The following SLC39A11 variants were observed in gnomAD, a reference collection of about 807,000 sequenced individuals.
SLC39A11 encodes solute carrier family 39 member 11.
In SLC39A11, 33 loss-of-function variants were observed where a neutral mutation model predicts 36.1. The observed-to-expected ratio is 0.91, with a 90% CI of 0.69 to 1.22. The LOEUF is 1.22. SLC39A11 is among the 50% of genes most tolerant of loss of function. The pLI, the probability that SLC39A11 is intolerant of heterozygous loss-of-function variation, is 0.00. For missense variants in SLC39A11, 432 were observed against 430.3 expected, an observed-to-expected ratio of 1.00 and a Z score of -0.03; for synonymous variants, 166 against 170.3, an observed-to-expected ratio of 0.97 and a Z score of 0.20.
intron 4 of SLC39A11, among the ~76,000 whole-genome samples, chr17:72,986,407 G>T (rs113310165): frequency 3.9e-5 from 6 of 152,208 alleles, no homozygotes; most frequent in South Asian, 2.1e-4. Context: ...AAATACAGAC[G>T]TCTAAGCTCC....
intron 4 of SLC39A11, among the ~76,000 whole-genome samples, chr17:72,960,656 T>TAAA (rs60009285): frequency 0.043 from 6,453 of 151,822 alleles, 480 homozygotes; most frequent in African/African-American, 0.14. Context: ...TAAATTAAAT[T>TAAA]TAATTAAATT....
chr17:72,877,090 T>A (rs974288600), intron 5 of SLC39A11, among the ~76,000 whole-genome samples: 2 of 152,198 alleles, frequency 1.3e-5, no homozygotes, highest in Non-Finnish European at 2.9e-5. Flanking sequence ...TTAAGCATCA[T>A]CTTATCAAAA....
In SLC39A11 at chr17:72,692,815, A is replaced by C. The variant is rs1337251513; in HGVS notation, c.672-43547T>G. Among the ~76,000 whole-genome samples, 5 of 152,292 alleles carry C rather than the reference A, an allele frequency of 3.3e-5. No homozygotes were observed. The East Asian group carries it at 7.7e-4, about 24-fold the overall frequency. On this transcript the variant is annotated intron_variant, in intron 7 of 9. Coordinates refer to ENST00000255559, the MANE Select transcript of SLC39A11 (RefSeq NM_139177.4). The stretch of plus-strand genomic sequence containing the variant: ...ACACACAGGACAACTTGGGACTGGA[A>C]AAAAGAAGGAGGGGCAGAGAGCATG...
intron 5 of SLC39A11, among the ~76,000 whole-genome samples, chr17:72,870,742 T>C (rs2146366594): frequency 6.6e-6 from 1 of 152,382 alleles, no homozygotes; most frequent in East Asian, 1.9e-4. Flanking sequence ...TACTTATCTT[T>C]TAACTGGAAA....
intron 5 of SLC39A11, among the ~76,000 whole-genome samples, chr17:72,931,226 G>A (rs145323398): frequency 1.6e-4 from 24 of 152,232 alleles, no homozygotes; most frequent in African/African-American, 5.8e-4. Context: ...GAAATGGAGA[G>A]AGCAAGAAAA....
At chr17:72,946,941 C>T (rs562295383) in intron 5 of SLC39A11, among the ~76,000 whole-genome samples, 7 of 152,218 alleles carry the variant, frequency 4.6e-5, no homozygotes, top group Admixed American at 2.0e-4. Flanking sequence ...TCTTGAGGGA[C>T]GCATTCCCTC....
At chr17:72,795,742 C>T (rs557368882) in intron 6 of SLC39A11, among the ~76,000 whole-genome samples, 10 of 152,246 alleles carry the variant, frequency 6.6e-5, no homozygotes, top group Non-Finnish European at 1.2e-4. Context: ...CACCATGCCT[C>T]GGCTTCTTAC....
chr17:72,682,340 G>A (rs575371858), intron 7 of SLC39A11, among the ~76,000 whole-genome samples: 36 of 126,322 alleles, frequency 2.8e-4, no homozygotes, highest in Admixed American at 9.7e-4. Context: ...CCATGAAACC[G>A]GTCCCTGGTA....
At chr17:72,782,315 C>G (rs2144892852) in intron 6 of SLC39A11, among the ~76,000 whole-genome samples, 1 of 152,262 alleles carries the variant, frequency 6.6e-6, no homozygotes, top group East Asian at 1.9e-4. Context: ...CAGAAGGAAC[C>G]AACCCTGCAG....
At chr17:72,682,548 T>C (rs1169681611) in intron 7 of SLC39A11, among the ~76,000 whole-genome samples, 2 of 152,194 alleles carry the variant, frequency 1.3e-5, no homozygotes, top group African/African-American at 4.8e-5. Flanking sequence ...AGCCCCACAT[T>C]ATCCAAGGGT....
chr17:72,875,246 T>G (rs2080839348), intron 5 of SLC39A11, among the ~76,000 whole-genome samples: 1 of 152,214 alleles, frequency 6.6e-6, no homozygotes, highest in Admixed American at 6.5e-5. Context: ...TCCAATTAAT[T>G]CATCATTATT....
At chr17:72,693,170 G>T (rs548096402) in intron 7 of SLC39A11, among the ~76,000 whole-genome samples, 2 of 152,196 alleles carry the variant, frequency 1.3e-5, no homozygotes, top group Non-Finnish European at 2.9e-5. Flanking sequence ...AGGTCAAAAG[G>T]CTGAGCCCTC....
intron 5 of SLC39A11, among the ~76,000 whole-genome samples, chr17:72,944,403 G>GA (rs1268495742): frequency 3.9e-5 from 6 of 152,038 alleles, no homozygotes; most frequent in South Asian, 2.1e-4. Context: ...ATGAAGAAAA[G>GA]AAAAAAAACT....
chr17:72,843,554 TAC>T (rs1707529965), intron 6 of SLC39A11, among the ~76,000 whole-genome samples: 1 of 152,046 alleles, frequency 6.6e-6, no homozygotes, highest in African/African-American at 2.4e-5. Context: ...CATGTGAGGA[TAC>T]AACGAGAAGA....
At chr17:72,924,746 G>A (rs1381742259) in intron 5 of SLC39A11, among the ~76,000 whole-genome samples, 1 of 152,164 alleles carries the variant, frequency 6.6e-6, no homozygotes, top group East Asian at 1.9e-4. Context: ...GCTCACACCT[G>A]TAATCCCAGC....
At chr17:72,874,527 G>A (rs1275071617) in intron 5 of SLC39A11, among the ~76,000 whole-genome samples, 1 of 152,164 alleles carries the variant, frequency 6.6e-6, no homozygotes, top group East Asian at 1.9e-4. Context: ...CCCCGCTGCT[G>A]GTAATTCAAG....
chr17:72,960,964 T>A lies in SLC39A11; in HGVS notation c.307-13089A>T, dbSNP rs115348621. 2.6e-3 allele frequency among the ~76,000 whole-genome samples: 400 copies of A among 152,338 alleles called. 5 individuals are homozygous for A. Among genetic ancestry groups the A allele is most frequent in the African/African-American group, 8.5e-3 (355 of 41,576 alleles). On this transcript the variant is annotated intron_variant, in intron 4 of 9. Transcript: ENST00000255559. ...GGAAAAAAGGTTAAAGTATGGCTTA[T>A]CAACATTTTTCATAGCTTTGGCAAC...
intron 4 of SLC39A11, among the ~76,000 whole-genome samples, chr17:72,960,652 AAATTT>A (rs1054028698): frequency 6.6e-6 from 1 of 151,746 alleles, no homozygotes; most frequent in African/African-American, 2.4e-5. Flanking sequence ...AAATTAAATT[AAATTT>A]AATTAAATTA....
At chr17:72,965,414 T>C (rs2086894738) in intron 4 of SLC39A11, among the ~76,000 whole-genome samples, 1 of 152,168 alleles carries the variant, frequency 6.6e-6, no homozygotes, top group Non-Finnish European at 1.5e-5. Context: ...TGATATGCAT[T>C]CAATAGAAAC....
Sources: gnomAD v4.1 joint callset for allele counts (sites outside exome capture counted in the v4.1 genomes callset) on GRCh38, gnomAD v4.1.1 for gene constraint, MANE v1.5 for transcripts, NCBI Gene and HGNC (gene_info 2026-07-23, HGNC 2026-07-21) for gene names.